The following SLC25A16 variants were observed in gnomAD, a reference collection of about 807,000 sequenced individuals.
SLC25A16 encodes the protein solute carrier family 25 member 16.
In SLC25A16, 39 loss-of-function variants were observed where a neutral mutation model predicts 41.5. That is an observed-to-expected ratio of 0.94 (90% CI 0.73 to 1.23). SLC25A16 has a LOEUF of 1.23. Among genes scored for constraint, SLC25A16 ranks in the 50% most tolerant of loss-of-function variants. The pLI is 0.00. For missense variants in SLC25A16, 421 were observed against 426.9 expected (o/e 0.99, Z 0.12); for synonymous variants, 146 against 147.8 (o/e 0.99, Z 0.09).
intron 2 of SLC25A16, among the ~76,000 whole-genome samples, chr10:68,511,102 G>C (rs2664428): frequency 0.045 from 6,839 of 152,048 alleles, 188 homozygotes; most frequent in South Asian, 0.09. Context: ...GCGGGGCTTG[G>C]TGGCAGGCAC....
At chr10:68,504,017 C>CTTTTTTTTTT (rs148285905) in intron 3 of SLC25A16, among the ~76,000 whole-genome samples, 1 of 70,872 alleles carries the variant, frequency 1.4e-5, no homozygotes, top group African/African-American at 5.7e-5. Flanking sequence ...TAAACTGCTA[C>CTTTTTTTTTT]TTTTTTTTTT....
intron 1 of SLC25A16, among the ~76,000 whole-genome samples, chr10:68,518,918 T>C (rs977070033): frequency 5.9e-5 from 9 of 151,624 alleles, no homozygotes; most frequent in Admixed American, 4.6e-4. Flanking sequence ...GTTGGCCAGG[T>C]ATGGTGACTC....
chr10:68,497,501 G>T (rs559820042), intron 4 of SLC25A16, among the ~76,000 whole-genome samples: 1 of 151,836 alleles, frequency 6.6e-6, no homozygotes, highest in South Asian at 2.1e-4. Context: ...TCTTAGAGTA[G>T]GATCTAGTGA....
rs576602734 is a variant in SLC25A16 at position 68,495,027 on chromosome 10, A to G, written c.422-1457T>C. Among the ~76,000 whole-genome samples, 7 of 150,444 alleles carry G rather than the reference A, an allele frequency of 4.7e-5. No homozygotes were observed. The East Asian group carries it at 1.4e-3, about 30-fold the overall frequency. ...TGGGTACCATGGCTCACTCCTTTTA[A>G]TCCCAGCACTTTGGGAGGCTGAGGT... On this transcript the variant is annotated intron_variant, in intron 4 of 8. Coordinates refer to ENST00000609923, the MANE Select transcript of SLC25A16 (RefSeq NM_152707.4).
intron 1 of SLC25A16, among the ~76,000 whole-genome samples, chr10:68,522,367 G>A (rs1316068026): frequency 6.6e-6 from 1 of 152,008 alleles, no homozygotes; most frequent in Non-Finnish European, 1.5e-5. Flanking sequence ...GCAGATGAGA[G>A]GAGAGGATTG....
chr10:68,491,564 G>A (rs909472124), intron 6 of SLC25A16, among the ~76,000 whole-genome samples: 5 of 152,018 alleles, frequency 3.3e-5, no homozygotes, highest in African/African-American at 1.2e-4. Flanking sequence ...TTAGAGACAA[G>A]GTCTCACTCT....
chr10:68,499,741 G>T, intron 4 of SLC25A16: 1 of 396,492 alleles, frequency 2.5e-6, no homozygotes. Context: ...AATTGGCAAA[G>T]TAGTCCAGGC....
intron 1 of SLC25A16, chr10:68,517,371 A>G (rs2053177041): frequency 2.5e-6 from 1 of 402,836 alleles, no homozygotes; most frequent in Non-Finnish European, 3.4e-6. Flanking sequence ...CCACTGGGGA[A>G]AAGTATAGAT....
intron 4 of SLC25A16, among the ~76,000 whole-genome samples, chr10:68,500,980 G>A (rs142542201): frequency 1.6e-4 from 24 of 149,394 alleles, no homozygotes; most frequent in South Asian, 1.5e-3. Flanking sequence ...GGATGCGTGC[G>A]GTGACTCACA....
intron 4 of SLC25A16, among the ~76,000 whole-genome samples, chr10:68,498,704 G>A (rs531033029): frequency 6.6e-6 from 1 of 152,102 alleles, no homozygotes; most frequent in Admixed American, 6.6e-5. Flanking sequence ...CTGAAAAAAA[G>A]AAAACAAAAA....
chr10:68,518,801 A>AT (rs1564929099), intron 1 of SLC25A16, among the ~76,000 whole-genome samples: 5 of 135,068 alleles, frequency 3.7e-5, no homozygotes, highest in African/African-American at 1.4e-4. Context: ...AAATAAATAA[A>AT]TAAATAAATT....
chr10:68,514,232 T>C (rs779763386), intron 2 of SLC25A16, among the ~76,000 whole-genome samples: 2 of 151,998 alleles, frequency 1.3e-5, no homozygotes, highest in African/African-American at 2.4e-5. Context: ...CACAGTGGCT[T>C]TCACCTGTAA....
chr10:68,480,966 C>A lies in SLC25A16; in HGVS notation c.*2466G>T, dbSNP rs1262713726. On this transcript the variant is annotated 3_prime_UTR_variant, in exon 9 of 9. Coordinates refer to ENST00000609923, the MANE Select transcript of SLC25A16 (RefSeq NM_152707.4). ...AAATTTTTGTACAGCCTTTTTTTTT[C>A]TTTTATACAGTCTCACTCTGTATAA... 7.9e-6 allele frequency: 1 copy of A among 125,890 alleles called. No individual in the cohort carries two copies. The highest frequency in any genetic ancestry group is 3.0e-5 in the African/African-American group (1 of 33,766). 7.8% of individuals were successfully genotyped at this position (125,890 alleles called of 1,614,324 possible). A position where few individuals can be genotyped will look rare whatever the true frequency, so the allele number is the denominator to read the frequency against.
At chr10:68,487,121 A>G in intron 8 of SLC25A16, 23 bp downstream of exon 8, 1 of 1,587,860 alleles carries the variant, frequency 6.3e-7, no homozygotes, top group South Asian at 1.1e-5. Flanking sequence ...AAGAAAATGA[A>G]CAATGACATA....
rs1225112382 is a variant in SLC25A16 at position 68,506,673 on chromosome 10, A to G, written c.269T>C (p.Leu90Pro). 1 of 1,598,066 alleles carries G rather than the reference A, an allele frequency of 6.3e-7. No individual in the cohort carries two copies. The highest frequency in any genetic ancestry group is 1.7e-5 in the Admixed American group (1 of 58,074). The change falls in exon 3 of 9, where the codon CTT (leucine) becomes CCT (proline). Residue 90 changes from leucine to proline, a missense_variant. Leu to Pro is a moderately conservative substitution (Grantham distance 98, BLOSUM62 -3). Coordinates refer to ENST00000609923, the MANE Select transcript of SLC25A16 (RefSeq NM_152707.4). ...LRAVPQKEGFLGLYKGNGAMM... is the reference protein window; with the variant it reads ...LRAVPQKEGFPGLYKGNGAMM... The stretch of plus-strand genomic sequence containing the variant: ...TGCACCATTTCCTTTATACAATCCA[A>G]GGAATCCTTCTTTTTGAGGAACAGC...
At chr10:68,495,821 T>C (rs2052742312) in intron 4 of SLC25A16, among the ~76,000 whole-genome samples, 2 of 145,014 alleles carry the variant, frequency 1.4e-5, no homozygotes, top group Admixed American at 6.9e-5. Flanking sequence ...GTATAAACTG[T>C]AGAGTGCACC....
intron 1 of SLC25A16, among the ~76,000 whole-genome samples, chr10:68,527,025 C>A (rs1379582301): frequency 6.6e-6 from 1 of 152,206 alleles, no homozygotes; most frequent in East Asian, 1.9e-4. Context: ...TTCCACCTCC[C>A]CAGCCTCTGC....
rs796695970 is a variant in SLC25A16, at chr10:68,524,445, G to C, written c.130+2801C>G. The stretch of plus-strand genomic sequence containing the variant: ...AGTCCTAGCTACTCAGGAAGCTGAG[G>C]CAGGAGAATCTCTTGAACCCAGGAG... On this transcript the variant is annotated intron_variant, in intron 1 of 8. Coordinates refer to ENST00000609923, the MANE Select transcript of SLC25A16 (RefSeq NM_152707.4). Among the ~76,000 whole-genome samples, 22 of 151,756 alleles carry C rather than the reference G, an allele frequency of 1.4e-4. 3 individuals are homozygous for C. The highest frequency in any genetic ancestry group is 5.3e-4 in the African/African-American group (22 of 41,312).
intron 6 of SLC25A16, among the ~76,000 whole-genome samples, chr10:68,491,186 A>G (rs938086075): frequency 6.6e-6 from 1 of 150,514 alleles, no homozygotes; most frequent in Non-Finnish European, 1.5e-5. Flanking sequence ...GCCACACCAC[A>G]TTTTAGTTTG....
Sources: allele counts gnomAD v4.1 joint callset (sites outside exome capture counted in the v4.1 genomes callset), GRCh38; gene constraint gnomAD v4.1.1; transcripts MANE v1.5; gene names NCBI Gene and HGNC (gene_info 2026-07-23, HGNC 2026-07-21).